The following QRICH2 variants were observed in gnomAD, a reference collection of about 807,000 sequenced individuals.
QRICH2 encodes the protein glutamine-rich protein 2.
Under a neutral mutation model 168.3 loss-of-function variants are expected in QRICH2, and 119 were observed. The observed-to-expected ratio is 0.71, with a 90% CI of 0.61 to 0.82. The LOEUF (loss-of-function observed/expected upper bound fraction) is 0.82, where lower values mean the gene tolerates loss of function less well. Among genes scored for constraint, QRICH2 ranks in the 40% least tolerant of loss-of-function variants. QRICH2 has a pLI of 0.00. For missense variants in QRICH2, 2,241 were observed against 2,491.6 expected, an observed-to-expected ratio of 0.90 and a Z score of 2.14; for synonymous variants, 894 against 951.2, an observed-to-expected ratio of 0.94 and a Z score of 1.11.
intron 3 of QRICH2, chr17:76,301,557 ACT>A (rs1181196585): frequency 6.3e-6 from 1 of 159,164 alleles, no homozygotes; most frequent in Non-Finnish European, 1.4e-5. Context: ...GACGACAGAG[ACT>A]CTGTCTCAAA....
intron 5 of QRICH2, among the ~76,000 whole-genome samples, chr17:76,289,415 G>A (rs956638240): frequency 6.6e-5 from 10 of 151,868 alleles, no homozygotes; most frequent in East Asian, 2.0e-4. Context: ...TCGAGCTCCC[G>A]GGCTCAAGTG....
intron 6 of QRICH2, 85 bp downstream of exon 6, chr17:76,287,715 T>A: frequency 3.2e-6 from 3 of 946,564 alleles, no homozygotes; most frequent in South Asian, 1.3e-5. Context: ...TTCAGGGGCA[T>A]AAGGGAGCCA....
intron 7 of QRICH2, among the ~76,000 whole-genome samples, chr17:76,283,161 C>T (rs893516752): frequency 1.7e-4 from 26 of 152,134 alleles, no homozygotes; most frequent in African/African-American, 5.8e-4. Flanking sequence ...TGCCCGGAGG[C>T]AGGTACCTCC....
chr17:76,280,565 C>A lies in QRICH2; in HGVS notation c.4461+89G>T. ...CAGGTTTCTGAGAGCCCACACTCGT[C>A]TCGCCAGCTCCCCTCCACTCAGTCT... On this transcript the variant is annotated intron_variant, in intron 10 of 18. Transcript: ENST00000680821. The surrounding 1 kb of genome is among the most constrained non-coding windows in gnomAD (Gnocchi z 7.4). 6.3e-7 allele frequency: 1 copy of A among 1,597,020 alleles called. No homozygotes were observed. The highest frequency in any genetic ancestry group is 8.6e-7 in the Non-Finnish European group (1 of 1,166,666).
intron 18 of QRICH2, among the ~76,000 whole-genome samples, chr17:76,275,064 T>C (rs1229126269): frequency 1.3e-5 from 2 of 152,102 alleles, no homozygotes; most frequent in Non-Finnish European, 2.9e-5. Context: ...GGAGAGCATC[T>C]AGCCGAGGGG....
At chr17:76,288,365 C>T (rs2070928068) in intron 5 of QRICH2, among the ~76,000 whole-genome samples, 1 of 106,430 alleles carries the variant, frequency 9.4e-6, no homozygotes, top group African/African-American at 3.7e-5. Context: ...GCCTGGGCAA[C>T]AGAGCAAGAA....
intron 7 of QRICH2, among the ~76,000 whole-genome samples, chr17:76,285,887 T>C (rs2070873031): frequency 6.6e-6 from 1 of 151,230 alleles, no homozygotes; most frequent in African/African-American, 2.4e-5. Flanking sequence ...AAACAACTTA[T>C]TATGGCCAGG....
At chr17:76,305,451 C>T (rs1278978406) in intron 1 of QRICH2, among the ~76,000 whole-genome samples, 3 of 152,196 alleles carry the variant, frequency 2.0e-5, no homozygotes, top group African/African-American at 7.2e-5. Flanking sequence ...CAGGCAGGAG[C>T]CCCTGCTTTC....
At chr17:76,301,804 T>C (rs892120135) in intron 3 of QRICH2, among the ~76,000 whole-genome samples, 6 of 146,008 alleles carry the variant, frequency 4.1e-5, no homozygotes, top group Admixed American at 3.5e-4. Flanking sequence ...CCAGGTTCTA[T>C]AGATTCTCCT....
chr17:76,294,957 C>T (rs1598496954), intron 3 of QRICH2, among the ~76,000 whole-genome samples: 1 of 151,470 alleles, frequency 6.6e-6, no homozygotes, highest in Non-Finnish European at 1.5e-5. Flanking sequence ...CTGGGTCTGG[C>T]ACGGTGGCTC....
At chr17:76,308,662 G>A (rs1194745723), upstream of QRICH2, among the ~76,000 whole-genome samples, 2 of 152,112 alleles carry the variant, frequency 1.3e-5, no homozygotes, top group Non-Finnish European at 2.9e-5. Context: ...ACTTGGAAAA[G>A]ACAACCCACT....
chr17:76,274,409 G>A lies in QRICH2; in HGVS notation c.5483-149C>T, dbSNP rs773209738. On this transcript the variant is annotated intron_variant, in intron 18 of 18. Coordinates refer to ENST00000680821, the MANE Select transcript of QRICH2 (RefSeq NM_001388453.1). ...CTGGAGGGGAGCTGCCGGGGCCGGG[G>A]GGCACGGCGCAGGCCCATCTGAGCT... 31 of 308,770 alleles carry A rather than the reference G, an allele frequency of 1.0e-4. 1 individual carries two copies. Among genetic ancestry groups the A allele is most frequent in the Non-Finnish European group, 1.4e-4 (30 of 211,508 alleles). The allele number at this position is 308,770 out of a possible 1,614,324, so 19.1% of individuals were successfully genotyped here.
In QRICH2 at chr17:76,274,121, G is replaced by C. The variant is rs768982578; in HGVS notation, c.5622C>G (p.Leu1874=). 5 of 1,587,024 alleles carry C rather than the reference G, an allele frequency of 3.2e-6. No individual in the cohort carries two copies. Among genetic ancestry groups the C allele is most frequent in the Non-Finnish European group, 4.3e-6 (5 of 1,170,166 alleles). ...ACCGCGGCCCCCGCGTGGGCTCCTC[G>C]AGCCCCTCCCCAGGAGGCATGTCCA... ...RHVDMPPGEG[L]EEPTRGPRSS... is the part of the protein sequence containing the mutation. The change falls in exon 19 of 19, where the codon CTC becomes CTG. Residue 1874 remains leucine (L), a synonymous_variant. Coordinates refer to ENST00000680821, the MANE Select transcript of QRICH2 (RefSeq NM_001388453.1).
intron 18 of QRICH2, among the ~76,000 whole-genome samples, chr17:76,275,416 C>A (rs78080608): frequency 6.6e-6 from 1 of 152,130 alleles, no homozygotes; most frequent in Non-Finnish European, 1.5e-5. Context: ...ATCTTCCAGG[C>A]GGGAGGCAGA....
rs753106610 is a variant in QRICH2, at chr17:76,292,076, G to A, written c.2651C>T (p.Pro884Leu). The change falls in exon 4 of 19, where the codon CCT becomes CTT. Residue 884 changes from proline to leucine, a missense_variant. Around this residue, in one of 3 missense-constraint regions of QRICH2, gnomAD observed 2,047 missense variants for 2,303.8 expected, o/e 0.89. Transcript: ENST00000680821. ...PGVDQRGLVQPGMDQRGLIQP... is the reference protein window; with the variant it reads ...PGVDQRGLVQLGMDQRGLIQP... ...GATCAAACCACGCTGGTCCATTCCAGGTTGGACCAAACCACGCTGATCCAC... is the reference window on the plus strand; with the variant it reads ...GATCAAACCACGCTGGTCCATTCCAAGTTGGACCAAACCACGCTGATCCAC... 1 of 1,614,092 alleles carries A rather than the reference G, an allele frequency of 6.2e-7. No homozygotes were observed. The highest frequency in any genetic ancestry group is 8.5e-7 in the Non-Finnish European group (1 of 1,179,978).
chr17:76,306,368 TGCCTCTTCCCG>T (rs900772972), intron 1 of QRICH2, among the ~76,000 whole-genome samples: 2 of 152,058 alleles, frequency 1.3e-5, no homozygotes, highest in Non-Finnish European at 2.9e-5. Flanking sequence ...CTCTTCTTCC[TGCCTCTTCCCG>T]GCCTCTTTTT....
At chr17:76,304,626 G>A (rs1406109152) in intron 2 of QRICH2, 101 bp from the exon 3 acceptor site, 2 of 812,772 alleles carry the variant, frequency 2.5e-6, no homozygotes, top group East Asian at 5.2e-5. Flanking sequence ...GTCCTTCACA[G>A]CCCCAGCCCC....
chr17:76,296,693 A>G (rs2070798441), intron 3 of QRICH2, among the ~76,000 whole-genome samples: 1 of 148,948 alleles, frequency 6.7e-6, no homozygotes, highest in South Asian at 2.1e-4. Context: ...CAGGAGAATC[A>G]CTTGAACCCA....
Position 76,281,849 on chromosome 17 carries a change from C to T in QRICH2, c.4263+15G>A, listed in dbSNP as rs11867478. 1.6e-3 allele frequency: 2,604 copies of T among 1,607,244 alleles called. 49 individuals are homozygous for T. In the African/African-American group the frequency reaches 0.032, roughly 20 times the overall value. On this transcript the variant is annotated intron_variant, in intron 8 of 18. Coordinates refer to ENST00000680821, the MANE Select transcript of QRICH2 (RefSeq NM_001388453.1). This position sits in a 1 kb window ranked among gnomAD's most constrained non-coding sequence, Gnocchi z 4.4. The stretch of plus-strand genomic sequence containing the variant: ...ATGTCCAGTTGCAGCAGGAGGGAGG[C>T]GAGCAGAGCCCCACCTGTCTCTGGA...
Sources: gnomAD v4.1 joint callset for allele counts (sites outside exome capture counted in the v4.1 genomes callset) on GRCh38, gnomAD v4.1.1 for gene constraint, gnomAD v4.1.1 regional missense constraint, Gnocchi (gnomAD v3.1) non-coding constraint, MANE v1.5 for transcripts, NCBI Gene and HGNC (gene_info 2026-07-23, HGNC 2026-07-21) for gene names.